DSP: variants seen among roughly 807,000 people sequenced by gnomAD.
DSP encodes the protein desmoplakin, also known as 250/210 kDa paraneoplastic pemphigus antigen.
Under a neutral mutation model 290.6 loss-of-function variants are expected in DSP, and 114 were observed. The ratio of observed to expected loss-of-function variants is 0.39; its 90% CI spans 0.34 to 0.46. The LOEUF is 0.46. Among genes scored for constraint, DSP ranks in the 20% least tolerant of loss-of-function variants. The pLI is 0.99. For synonymous variants in DSP, 1,311 were observed against 1,316.4 expected (o/e 1.00, Z 0.09); for missense variants, 3,230 against 3,495.8 (o/e 0.92, Z 1.92).
intron 6 of DSP, 116 bp downstream of exon 6, chr6:7,563,902 G>C: frequency 1.1e-6 from 1 of 928,962 alleles, no homozygotes; most frequent in South Asian, 1.3e-5. Flanking sequence ...TGCTAATGTT[G>C]TTGCTGCTGC....
At chr6:7,544,701 ATCTC>A (rs112548377) in intron 1 of DSP, among the ~76,000 whole-genome samples, 1 of 150,738 alleles carries the variant, frequency 6.6e-6, no homozygotes, top group Non-Finnish European at 1.5e-5. Flanking sequence ...ACTTTAAAAC[ATCTC>A]TCTCTCTCTC....
At chr6:7,544,495 T>C (rs915899720) in intron 1 of DSP, among the ~76,000 whole-genome samples, 31 of 145,190 alleles carry the variant, frequency 2.1e-4, no homozygotes, top group Admixed American at 4.9e-4. Flanking sequence ...TTCTTTCTTT[T>C]TTTTTTTTTA....
Position 7,559,164 on chromosome 6 carries a change from GC to G in DSP, c.423-59del, listed in dbSNP as rs1416989161. On this transcript the variant is annotated intron_variant, in intron 3 of 23. Transcript: ENST00000379802. ...AAAAGACTCAGAAAAGGGGAAATTT[GC>G]CCAGAACGGGTTTTCATAGGCTGTT... The G allele has an allele frequency of 8.2e-6, 13 of 1,584,524 alleles. No individual in the cohort carries two copies. The African/African-American group carries it at 1.5e-4, about 18-fold the overall frequency.
In DSP at chr6:7,545,315, G is replaced by T. The variant is rs777660197; in HGVS notation, c.170+3230G>T. On this transcript the variant is annotated intron_variant, in intron 1 of 23. Transcript: ENST00000379802. ...CAATTTGCCTGAATTTTAGAGCGGG[G>T]GGACCCCTAAGGATCACTTAGCCTA... Among the ~76,000 whole-genome samples, 76 of 152,266 alleles carry T rather than the reference G, an allele frequency of 5.0e-4. 1 individual carries two copies. Among genetic ancestry groups the T allele is most frequent in the Non-Finnish European group, 5.6e-4 (38 of 68,016 alleles).
Position 7,571,967 on chromosome 6 carries a change from A to C in DSP, c.2029A>C (p.Arg677=), listed in dbSNP as rs967818312. The change falls in exon 15 of 24, where the codon AGG becomes CGG. Residue 677 remains arginine, a synonymous_variant. Transcript: ENST00000379802. ...GCTGATGGAGCTGCAGAAGATTCGC[A>C]GGCAGATAGAGCACTGCGAGGGCAG... The part of the protein sequence containing the change: ...WMLMELQKIR[R]QIEHCEGRMT... 6 of 1,614,218 alleles carry C rather than the reference A, an allele frequency of 3.7e-6. No homozygotes were observed. In the South Asian group the frequency reaches 6.6e-5, roughly 18 times the overall value.
At chr6:7,568,746 C>T (rs2113674680) in intron 11 of DSP, among the ~76,000 whole-genome samples, 157 bp downstream of exon 11, 1 of 152,342 alleles carries the variant, frequency 6.6e-6, no homozygotes, top group African/African-American at 2.4e-5. Context: ...AGCAGCAGCT[C>T]TGTTCTGAAT....
In DSP at chr6:7,583,444, C is replaced by T. The variant is rs1759518544; in HGVS notation, c.6182C>T (p.Pro2061Leu). The stretch of plus-strand genomic sequence containing the variant: ...GCAGCTACAGGTGGTATAATTGATC[C>T]CCATCGGAATGAGAAGCTGACTGTC... Reference protein sequence around the residue: ...AQAATGGIIDPHRNEKLTVDS... With the variant: ...AQAATGGIIDLHRNEKLTVDS... Residue 2061 changes from proline (P) to leucine (L), a missense_variant, in exon 24 of 24, where the codon CCC (proline) becomes CTC (leucine). This residue lies in a region of DSP where 1,714 missense variants were observed against 1,844.5 expected (regional missense o/e 0.93). Coordinates refer to ENST00000379802, the MANE Select transcript of DSP (RefSeq NM_004415.4). This position sits in a 1 kb window ranked among gnomAD's most constrained non-coding sequence, Gnocchi z 4.0. The T allele has an allele frequency of 1.9e-6, 3 of 1,614,078 alleles. No individual in the cohort carries two copies. The highest frequency in any genetic ancestry group is 2.5e-6 in the Non-Finnish European group (3 of 1,180,030).
Position 7,585,360 on chromosome 6 carries a change from G to A in DSP, c.8098G>A (p.Gly2700Ser). The change falls in exon 24 of 24, where the codon GGT becomes AGT. Residue 2700 changes from glycine (G) to serine (S), a missense_variant. Transcript: ENST00000379802. Reference protein sequence around the residue: ...PAQKAFIGFEGVKGKKKMSAA... With the variant: ...PAQKAFIGFESVKGKKKMSAA... ...TCAGAAAGCCTTCATAGGCTTCGAG[G>A]GTGTGAAGGGAAAGAAGAAGATGTC... The A allele has an allele frequency of 6.2e-7, 1 of 1,614,088 alleles. No individual in the cohort carries two copies. Among genetic ancestry groups the A allele is most frequent in the Non-Finnish European group, 8.5e-7 (1 of 1,179,972 alleles).
At position 7,566,491 on chromosome 6, in the gene DSP, A is replaced by C. The variant is rs750114473; in HGVS notation, c.1044+10A>C. On this transcript the variant is annotated intron_variant, in intron 8 of 23. Coordinates refer to ENST00000379802, the MANE Select transcript of DSP (RefSeq NM_004415.4). ...TTCAGACAAAATTGAGGTAGGCTTC[A>C]TGAGGTTTATATTTTTGTTAGAAAA... 56 of 1,608,738 alleles carry C rather than the reference A, an allele frequency of 3.5e-5. No individual in the cohort carries two copies. Among genetic ancestry groups the C allele is most frequent in the Non-Finnish European group, 4.7e-5 (55 of 1,175,716 alleles).
rs1371748682 is a variant in DSP, at chr6:7,585,294, G to A, written c.8032G>A (p.Gly2678Ser). The change falls in exon 24 of 24, where the codon GGT becomes AGT. Residue 2678 changes from glycine to serine, a missense_variant. Around this residue, in one of 5 missense-constraint regions of DSP, gnomAD observed 582 missense variants for 555.4 expected, o/e 1.05. Transcript: ENST00000379802. ...KLSLQDAVSQGVIDQDMATRL... is the reference protein window; with the variant it reads ...KLSLQDAVSQSVIDQDMATRL... ...GTCACTTCAGGACGCAGTCTCCCAGGGTGTGATTGACCAAGACATGGCCAC... is the reference window on the plus strand; with the variant it reads ...GTCACTTCAGGACGCAGTCTCCCAGAGTGTGATTGACCAAGACATGGCCAC... 7.4e-6 allele frequency: 12 copies of A among 1,614,038 alleles called. No individual in the cohort carries two copies. The highest frequency in any genetic ancestry group is 1.1e-5 in the South Asian group (1 of 91,078).
Position 7,585,571 on chromosome 6 carries a change from A to G in DSP, c.8309A>G (p.Tyr2770Cys), listed in dbSNP as rs371020228. 34 of 1,614,092 alleles carry G rather than the reference A, an allele frequency of 2.1e-5. No individual in the cohort carries two copies. Among genetic ancestry groups the G allele is most frequent in the Non-Finnish European group, 2.4e-5 (28 of 1,180,040 alleles). The change falls in exon 24 of 24, where the codon TAT becomes TGT. Residue 2770 changes from tyrosine to cysteine, a missense_variant. This residue lies in a region of DSP where 582 missense variants were observed against 555.4 expected (regional missense o/e 1.05). Transcript: ENST00000379802. The part of the protein sequence containing the change: ...AAQRLQDTSS[Y>C]AKILTCPKTK... ...CAGAGGCTGCAAGACACCAGCAGCT[A>G]TGCCAAAATCCTGACCTGCCCCAAA...
chr6:7,548,789 G>GT (rs1758247235), intron 1 of DSP, among the ~76,000 whole-genome samples: 1 of 152,178 alleles, frequency 6.6e-6, no homozygotes, highest in Admixed American at 6.5e-5. Flanking sequence ...GTGCTCTCTG[G>GT]TTGAGCTTTT....
At chr6:7,576,543 G>GATACAAAATGAT (rs1759246929) in intron 19 of DSP, 87 bp downstream of exon 19, 3 of 1,526,202 alleles carry the variant, frequency 2.0e-6, no homozygotes, top group Non-Finnish European at 2.7e-6. Context: ...TCAGTGCCTA[G>GATACAAAATGAT]GTTTGAAATG....
At chr6:7,554,996 T>C (rs1448822266) in intron 1 of DSP, among the ~76,000 whole-genome samples, 1 of 152,142 alleles carries the variant, frequency 6.6e-6, no homozygotes, top group East Asian at 1.9e-4. Flanking sequence ...CTCCTACCTT[T>C]CCTTCAGCCC....
Position 7,567,834 on chromosome 6 carries a change from C to T in DSP, c.1194C>T (p.Ser398=). ...CATACCTGAAGGGGCTCCAGGACTC[C>T]ATCAGGAAGAAGTACCCCTGCGACA... is the stretch of plus-strand genomic sequence containing the variant. ...TEAYLKGLQD[S]IRKKYPCDKN... The change falls in exon 10 of 24, where the codon TCC becomes TCT. Residue 398 remains serine (S), a synonymous_variant. Transcript: ENST00000379802. 1 of 1,614,100 alleles carries T rather than the reference C, an allele frequency of 6.2e-7. No homozygotes were observed.
intron 1 of DSP, among the ~76,000 whole-genome samples, chr6:7,544,876 T>C (rs1758126626): frequency 6.6e-6 from 1 of 152,220 alleles, no homozygotes. Flanking sequence ...ATTTGGTAAA[T>C]GTTACAACCT....
intron 3 of DSP, 51 bp from the exon 4 acceptor site, chr6:7,559,175 G>C: frequency 6.2e-7 from 1 of 1,608,582 alleles, no homozygotes; most frequent in African/African-American, 1.3e-5. Context: ...CCCAGAACGG[G>C]TTTTCATAGG....
chr6:7,568,550 C>G lies in DSP; in HGVS notation c.1380C>G (p.Pro460=). ...ACCCAGACTACAGAAGCAATAAACC[C>G]ATTATTCTCAGAGCTCTCTGTGACT... The part of the protein sequence containing the change: ...PRNPDYRSNK[P]IILRALCDYK... The change falls in exon 11 of 24, where the codon CCC becomes CCG. Residue 460 remains proline (P), a synonymous_variant. Coordinates refer to ENST00000379802, the MANE Select transcript of DSP (RefSeq NM_004415.4). The G allele has an allele frequency of 6.2e-7, 1 of 1,614,032 alleles. No individual in the cohort carries two copies. Among genetic ancestry groups the G allele is most frequent in the Non-Finnish European group, 8.5e-7 (1 of 1,180,016 alleles).
At chr6:7,575,146 A>C in intron 17 of DSP, 149 bp from the exon 18 acceptor site, 1 of 766,938 alleles carries the variant, frequency 1.3e-6, no homozygotes, top group Non-Finnish European at 2.1e-6. Flanking sequence ...AATTCAGTAA[A>C]TATATTTCCC....
Sources: allele counts gnomAD v4.1 joint callset (sites outside exome capture counted in the v4.1 genomes callset), GRCh38; gene constraint gnomAD v4.1.1; regional missense constraint gnomAD v4.1.1; non-coding constraint Gnocchi (gnomAD v3.1); transcripts MANE v1.5; gene names NCBI Gene and HGNC (gene_info 2026-07-23, HGNC 2026-07-21).